CEP112: variants seen among roughly 807,000 people sequenced by gnomAD.
CEP112 encodes centrosomal protein 112.
CEP112 carries 127 observed loss-of-function variants against 153.0 expected under a neutral mutation model. The ratio of observed to expected loss-of-function variants is 0.83; its 90% CI spans 0.72 to 0.96. The LOEUF is 0.96. CEP112 is among the 40% of genes least tolerant of loss of function. The probability of loss-of-function intolerance (pLI) is 0.00; values close to 1 mark genes in which losing one functional copy is unlikely to be tolerated. For missense variants in CEP112, 1,089 were observed against 1,101.2 expected, an observed-to-expected ratio of 0.99 and a Z score of 0.16; for synonymous variants, 358 against 374.4, an observed-to-expected ratio of 0.96 and a Z score of 0.51.
chr17:65,830,865 A>C (rs1459562827), intron 21 of CEP112, among the ~76,000 whole-genome samples: 1 of 152,230 alleles, frequency 6.6e-6, no homozygotes, highest in Non-Finnish European at 1.5e-5. Flanking sequence ...CAGACCAGAA[A>C]ACAGTGGCAG....
intron 6 of CEP112, among the ~76,000 whole-genome samples, chr17:66,128,049 C>T (rs1335443891): frequency 6.6e-6 from 1 of 151,998 alleles, no homozygotes; most frequent in Non-Finnish European, 1.5e-5. Context: ...ACTTGTAATC[C>T]CAGCACTCTG....
At chr17:66,178,270 A>G (rs1041201292) in intron 2 of CEP112, among the ~76,000 whole-genome samples, 1 of 152,174 alleles carries the variant, frequency 6.6e-6, no homozygotes, top group Non-Finnish European at 1.5e-5. Context: ...CTGGGGTGAA[A>G]TAATATCTCA....
chr17:65,702,685 G>C (rs1296967736), intron 23 of CEP112, among the ~76,000 whole-genome samples: 1 of 152,102 alleles, frequency 6.6e-6, no homozygotes, highest in Admixed American at 6.6e-5. Context: ...AGACATACCC[G>C]AGACTGGGTA....
chr17:66,182,961 C>T (rs1033654528), intron 2 of CEP112, among the ~76,000 whole-genome samples: 3 of 152,132 alleles, frequency 2.0e-5, no homozygotes, highest in African/African-American at 4.8e-5. Context: ...GCTATAAGTT[C>T]ATGACATGTG....
At chr17:65,638,906 T>C (rs191946068) in intron 25 of CEP112, among the ~76,000 whole-genome samples, 6 of 152,040 alleles carry the variant, frequency 3.9e-5, no homozygotes, top group African/African-American at 1.2e-4. Flanking sequence ...CCTTTTTTTT[T>C]CCTCTTCCTA....
At chr17:66,120,679 T>A (rs1409649402) in intron 6 of CEP112, among the ~76,000 whole-genome samples, 1 of 152,188 alleles carries the variant, frequency 6.6e-6, no homozygotes, top group Non-Finnish European at 1.5e-5. Flanking sequence ...TTATTATACT[T>A]TGAGTATCTA....
chr17:65,711,563 A>G (rs566891644), intron 23 of CEP112, among the ~76,000 whole-genome samples: 1 of 152,226 alleles, frequency 6.6e-6, no homozygotes, highest in South Asian at 2.1e-4. Flanking sequence ...AGTTTTTGTG[A>G]TTATTTTTCT....
chr17:65,688,291 C>T (rs2047917916), intron 24 of CEP112: 1 of 152,210 alleles, frequency 6.6e-6, no homozygotes, highest in Non-Finnish European at 1.5e-5. Context: ...ATAGCAGACA[C>T]TGTTGGCTGC....
At chr17:65,810,925 G>A (rs970134535) in intron 21 of CEP112, among the ~76,000 whole-genome samples, 2 of 152,140 alleles carry the variant, frequency 1.3e-5, no homozygotes, top group Non-Finnish European at 2.9e-5. Context: ...GTAGATTTGG[G>A]ATGGGCAGAT....
rs139253289 is a variant in CEP112 at position 66,132,864 on chromosome 17, T to C, written c.471-101A>G. 5.1e-4 allele frequency: 414 copies of C among 810,096 alleles called. No individual in the cohort carries two copies. In the African/African-American group the frequency reaches 6.2e-3, roughly 12 times the overall value. 50.2% of individuals were successfully genotyped at this position (810,096 alleles called of 1,614,324 possible). A position where few individuals can be genotyped will look rare whatever the true frequency, so the allele number is the denominator to read the frequency against. On this transcript the variant is annotated intron_variant, in intron 4 of 26. Coordinates refer to ENST00000535342, the MANE Select transcript of CEP112 (RefSeq NM_001199165.4). ...TTTCTTTCCCTTGGAACTGAGATGATAGTTTGTATTAACAATGATGTTCCA... is the reference window on the plus strand; with the variant it reads ...TTTCTTTCCCTTGGAACTGAGATGACAGTTTGTATTAACAATGATGTTCCA...
At chr17:65,644,542 G>T in intron 24 of CEP112, 1 of 223,810 alleles carries the variant, frequency 4.5e-6, no homozygotes. Flanking sequence ...TGGAACACAA[G>T]GTCAAAACTT....
chr17:65,736,838 C>A (rs1226688429), intron 23 of CEP112, among the ~76,000 whole-genome samples: 3 of 152,136 alleles, frequency 2.0e-5, no homozygotes, highest in African/African-American at 7.2e-5. Flanking sequence ...CTGTAATCTA[C>A]CATTAACAGG....
chr17:65,899,768 C>T (rs750545105), intron 20 of CEP112, among the ~76,000 whole-genome samples: 11 of 152,002 alleles, frequency 7.2e-5, no homozygotes, highest in Non-Finnish European at 1.5e-4. Context: ...TCTAATAGCC[C>T]TTTTTACAAA....
chr17:66,056,011 A>G (rs2066669254), intron 11 of CEP112, among the ~76,000 whole-genome samples: 1 of 152,244 alleles, frequency 6.6e-6, no homozygotes, highest in African/African-American at 2.4e-5. Flanking sequence ...TTAAAGGGCA[A>G]ACGTTCCTTT....
chr17:65,988,794 C>T (rs1436618962), intron 17 of CEP112, among the ~76,000 whole-genome samples: 1 of 151,940 alleles, frequency 6.6e-6, no homozygotes, highest in Non-Finnish European at 1.5e-5. Flanking sequence ...TCTTAGAAGA[C>T]AAAATCTAAG....
intron 21 of CEP112, among the ~76,000 whole-genome samples, chr17:65,758,648 G>A (rs1253539433): frequency 1.3e-5 from 2 of 152,134 alleles, no homozygotes; most frequent in Non-Finnish European, 2.9e-5. Flanking sequence ...ATCTTACTAT[G>A]ATAGCTTTAA....
intron 9 of CEP112, among the ~76,000 whole-genome samples, chr17:66,067,503 A>G (rs1410416676): frequency 6.6e-6 from 1 of 152,202 alleles, no homozygotes; most frequent in Non-Finnish European, 1.5e-5. Context: ...CCAGCAGATA[A>G]TAAGTGAATG....
chr17:66,036,095 C>T (rs548424220), intron 12 of CEP112, among the ~76,000 whole-genome samples: 1 of 152,186 alleles, frequency 6.6e-6, no homozygotes, highest in African/African-American at 2.4e-5. Context: ...CATTATGCTG[C>T]ATGAAATAAG....
intron 23 of CEP112, among the ~76,000 whole-genome samples, chr17:65,738,537 C>T (rs748062126): frequency 6.6e-6 from 1 of 152,064 alleles, no homozygotes; most frequent in Non-Finnish European, 1.5e-5. Flanking sequence ...TTCCCTTATA[C>T]ATAGTAGGAT....
Sources: gnomAD v4.1 joint callset for allele counts (sites outside exome capture counted in the v4.1 genomes callset) on GRCh38, gnomAD v4.1.1 for gene constraint, MANE v1.5 for transcripts, NCBI Gene and HGNC (gene_info 2026-07-23, HGNC 2026-07-21) for gene names.